IFNAR2: variants seen among roughly 807,000 people sequenced by gnomAD.
The protein encoded by IFNAR2 is interferon alpha and beta receptor subunit 2.
IFNAR2 carries 30 observed loss-of-function variants against 49.4 expected under a neutral mutation model. The observed-to-expected ratio is 0.61, with a 90% CI of 0.45 to 0.82. The LOEUF is 0.82. Ranked by LOEUF, IFNAR2 falls within the 40% of genes least tolerant of loss-of-function variation. The probability of loss-of-function intolerance (pLI) is 0.00; values close to 1 mark genes in which losing one functional copy is unlikely to be tolerated. For synonymous variants in IFNAR2, 224 were observed against 234.5 expected (o/e 0.96, Z 0.41); for missense variants, 600 against 622.7 (o/e 0.96, Z 0.39).
chr21:33,248,667 G>C, intron 5 of IFNAR2, 42 bp from the exon 6 acceptor site: 1 of 1,555,928 alleles, frequency 6.4e-7, no homozygotes, highest in Non-Finnish European at 8.7e-7. Flanking sequence ...GCCACATATG[G>C]TCTCTGTGAC....
chr21:33,263,317 G>GCC lies in IFNAR2; in HGVS notation c.1365_1366insCC (p.Met456ProfsTer59). Reference sequence around the variant, plus strand: ...TGATGCTATCGTCTCATCTGGAAGAGATGGTTGACCCAGAGGATCCTGATA... The same window carrying GCC: ...TGATGCTATCGTCTCATCTGGAAGAGCCATGGTTGACCCAGAGGATCCTGATA... On this transcript the variant is annotated frameshift_variant, in exon 9 of 9. Coordinates refer to ENST00000342136, the MANE Select transcript of IFNAR2 (RefSeq NM_001289125.3). LOFTEE classifies it high-confidence loss of function. 6.2e-7 allele frequency: 1 copy of GCC among 1,614,202 alleles called. No individual in the cohort carries two copies. The highest frequency in any genetic ancestry group is 2.2e-5 in the East Asian group (1 of 44,890).
At chr21:33,262,440 C>A in intron 8 of IFNAR2, 1 of 590,558 alleles carries the variant, frequency 1.7e-6, no homozygotes, top group Non-Finnish European at 3.0e-6. Flanking sequence ...ATATATAAAG[C>A]ACCAAGAGTC....
At chr21:33,251,734 T>C (rs1374158447) in intron 6 of IFNAR2, 3 of 985,228 alleles carry the variant, frequency 3.0e-6, no homozygotes, top group South Asian at 4.7e-5. Flanking sequence ...AGCCTTCATA[T>C]CATCTTTTAA....
intron 7 of IFNAR2, among the ~76,000 whole-genome samples, chr21:33,257,303 G>A (rs572742168): frequency 3.3e-5 from 5 of 152,274 alleles, no homozygotes; most frequent in African/African-American, 9.6e-5. Flanking sequence ...CCTGGTGAGC[G>A]TTAACAGCTC....
At chr21:33,237,099 G>A (rs1986531415) in intron 1 of IFNAR2, among the ~76,000 whole-genome samples, 1 of 151,974 alleles carries the variant, frequency 6.6e-6, no homozygotes, top group African/African-American at 2.4e-5. Flanking sequence ...GTGTGTGTGT[G>A]TGTGTGTGTG....
intron 5 of IFNAR2, 77 bp downstream of exon 5, chr21:33,246,967 G>A (rs1987470283): frequency 1.6e-6 from 2 of 1,282,334 alleles, no homozygotes; most frequent in Admixed American, 2.0e-5. Context: ...GAAATAGGAG[G>A]TCTACAAAGG....
At chr21:33,240,814 C>A (rs1414542358) in intron 1 of IFNAR2, among the ~76,000 whole-genome samples, 138 of 138,512 alleles carry the variant, frequency 1.0e-3, no homozygotes, top group East Asian at 1.8e-3. Flanking sequence ...AGACCCGTCT[C>A]AAAAAAAAAA....
intron 1 of IFNAR2, chr21:33,234,647 C>A: frequency 1.6e-6 from 1 of 612,450 alleles, no homozygotes; most frequent in Non-Finnish European, 2.0e-6. Flanking sequence ...TCCATTTTAT[C>A]TGGGCCTTGA....
intron 8 of IFNAR2, 46 bp from the exon 9 acceptor site, chr21:33,262,747 A>AG: frequency 6.6e-7 from 1 of 1,506,216 alleles, no homozygotes; most frequent in Non-Finnish European, 9.1e-7. Context: ...AAGAGCAAAC[A>AG]GTACAGCTGA....
intron 5 of IFNAR2, among the ~76,000 whole-genome samples, chr21:33,247,825 C>T (rs1480338845): frequency 1.3e-5 from 2 of 152,154 alleles, no homozygotes; most frequent in Admixed American, 6.5e-5. Flanking sequence ...GTAGGCTATG[C>T]GGGTGTGCAC....
At position 33,230,406 on chromosome 21, in the gene IFNAR2, G is replaced by A. The variant is rs117638556; in HGVS notation, c.-84+190G>A. The A allele has an allele frequency of 2.7e-5, 13 of 489,918 alleles. No homozygotes were observed. Among genetic ancestry groups the A allele is most frequent in the East Asian group, 8.5e-5 (1 of 11,708 alleles). 30.3% of individuals were successfully genotyped at this position (489,918 alleles called of 1,614,324 possible). ...TAGTGCGCCCTTCCTCTCTCCCGGG[G>A]CCGCACCTGCGACCCCAGGACCCCT... On this transcript the variant is annotated intron_variant, in intron 1 of 8. Transcript: ENST00000342136. The surrounding 1 kb of genome is among the most constrained non-coding windows in gnomAD (Gnocchi z 5.5).
rs1985909903 is a variant in IFNAR2 at position 33,230,020 on chromosome 21, G to C, written c.-280G>C. ...CCCGGCGGGTAGGAATCCCGCCGGC[G>C]AGCCGAACAGTTCCCCGAGCGCAGC... On this transcript the variant is annotated 5_prime_UTR_variant, in exon 1 of 9. Coordinates refer to ENST00000342136, the MANE Select transcript of IFNAR2 (RefSeq NM_001289125.3). The surrounding 1 kb of genome is among the most constrained non-coding windows in gnomAD (Gnocchi z 5.5). The C allele has an allele frequency of 7.1e-6, 7 of 984,968 alleles. No individual in the cohort carries two copies. In the Admixed American group the frequency reaches 4.3e-4, roughly 61 times the overall value. 61.0% of individuals were successfully genotyped at this position (984,968 alleles called of 1,614,324 possible).
chr21:33,246,783 C>G lies in IFNAR2; in HGVS notation c.287C>G (p.Thr96Arg). The part of the protein sequence containing the change: ...ANTTRSFCDL[T>R]DEWRSTHEAY... ...ACCACAAGATCATTTTGTGACCTCA[C>G]AGATGAGTGGAGAAGCACACACGAG... is the stretch of plus-strand genomic sequence containing the variant. The change falls in exon 5 of 9, where the codon ACA becomes AGA. Residue 96 changes from threonine to arginine, a missense_variant. Coordinates refer to ENST00000342136, the MANE Select transcript of IFNAR2 (RefSeq NM_001289125.3). 1 of 1,613,492 alleles carries G rather than the reference C, an allele frequency of 6.2e-7. No homozygotes were observed. The highest frequency in any genetic ancestry group is 8.5e-7 in the Non-Finnish European group (1 of 1,179,400).
In IFNAR2 at chr21:33,265,276, C is replaced by T. The variant is rs1488169087; in HGVS notation, c.*1776C>T. On this transcript the variant is annotated 3_prime_UTR_variant, in exon 9 of 9. Transcript: ENST00000342136. Reference sequence around the variant, plus strand: ...CCAGGATGAATGAAAGGCACAGGACCTCTTACCCCTCACCCCTGCCCCCCT... The same window carrying T: ...CCAGGATGAATGAAAGGCACAGGACTTCTTACCCCTCACCCCTGCCCCCCT... 1 of 152,244 alleles carries T rather than the reference C, an allele frequency of 6.6e-6. No homozygotes were observed. The highest frequency in any genetic ancestry group is 1.5e-5 in the Non-Finnish European group (1 of 68,086). 9.4% of individuals were successfully genotyped at this position (152,244 alleles called of 1,614,324 possible). A position where few individuals can be genotyped will look rare whatever the true frequency, so the allele number is the denominator to read the frequency against.
intron 7 of IFNAR2, among the ~76,000 whole-genome samples, chr21:33,256,944 T>C (rs1315360631): frequency 6.6e-6 from 1 of 152,176 alleles, no homozygotes; most frequent in Non-Finnish European, 1.5e-5. Flanking sequence ...TAGGATAGTG[T>C]CTTGATTTGC....
chr21:33,252,218 G>A, intron 6 of IFNAR2: 1 of 467,248 alleles, frequency 2.1e-6, no homozygotes, highest in Non-Finnish European at 4.4e-6. Flanking sequence ...TAGCCACACT[G>A]AGCTACAGTT....
intron 5 of IFNAR2, 58 bp downstream of exon 5, chr21:33,246,948 C>A: frequency 2.0e-6 from 3 of 1,464,604 alleles, no homozygotes; most frequent in Non-Finnish European, 2.8e-6. Context: ...TTATTATTTG[C>A]TATTCCATGA....
Position 33,262,774 on chromosome 21 carries a change from C to CTTTTT in IFNAR2, c.841-8_841-4dup. ...TACAGCTGATACGGACTCTCTCTCT[C>CTTTTT]TTTTTTTTTTTTTTTAAGAATTTTC... is the stretch of plus-strand genomic sequence containing the variant. On this transcript the variant is annotated intron_variant, in intron 8 of 8. Transcript: ENST00000342136. 1 of 1,415,250 alleles carries CTTTTT rather than the reference C, an allele frequency of 7.1e-7. No homozygotes were observed. The highest frequency in any genetic ancestry group is 9.6e-7 in the Non-Finnish European group (1 of 1,044,638). 87.7% of individuals were successfully genotyped at this position (1,415,250 alleles called of 1,614,324 possible). A position where few individuals can be genotyped will look rare whatever the true frequency, so the allele number is the denominator to read the frequency against.
intron 3 of IFNAR2, 48 bp from the exon 4 acceptor site, chr21:33,244,903 A>T (rs777895635): frequency 6.2e-7 from 1 of 1,600,284 alleles, no homozygotes; most frequent in Non-Finnish European, 8.6e-7. Context: ...TGGCCAGAAT[A>T]CAACTGTGGG....
Sources: allele counts gnomAD v4.1 joint callset (sites outside exome capture counted in the v4.1 genomes callset), GRCh38; gene constraint gnomAD v4.1.1; non-coding constraint Gnocchi (gnomAD v3.1); transcripts MANE v1.5; gene names NCBI Gene and HGNC (gene_info 2026-07-23, HGNC 2026-07-21).